PIK3CA: variants seen among roughly 807,000 people sequenced by gnomAD.
The protein encoded by PIK3CA is phosphatidylinositol-4,5-bisphosphate 3-kinase catalytic subunit alpha.
A neutral mutation model predicts 138.2 loss-of-function variants in PIK3CA; 27 were observed. That is an observed-to-expected ratio of 0.20 (90% confidence interval 0.14 to 0.27). The LOEUF is 0.27. PIK3CA is among the 10% of genes least tolerant of loss of function. PIK3CA has a pLI of 1.00. For missense variants in PIK3CA, 544 were observed against 1,277.4 expected (o/e 0.43, Z 8.75); for synonymous variants, 358 against 413.2 (o/e 0.87, Z 1.62).
At position 179,238,575 on chromosome 3, in the gene PIK3CA, T is replaced by C; in HGVS notation, c.*4211T>C. On this transcript the variant is annotated 3_prime_UTR_variant, in exon 21 of 21. Transcript: ENST00000263967. ...ATCACTGAATTTTAGATTTATAAAG[T>C]CAGAGTTGGCATGCCTTGTTTTTAA... is the stretch of plus-strand genomic sequence containing the variant. 4.5e-6 allele frequency: 1 copy of C among 219,890 alleles called. No homozygotes were observed. Among genetic ancestry groups the C allele is most frequent in the Non-Finnish European group, 9.1e-6 (1 of 109,506 alleles). The allele number at this position is 219,890 out of a possible 1,614,324, so 13.6% of individuals were successfully genotyped here.
At chr3:179,167,043 C>T (rs1723438287) in intron 1 of PIK3CA, among the ~76,000 whole-genome samples, 1 of 152,050 alleles carries the variant, frequency 6.6e-6, no homozygotes, top group South Asian at 2.1e-4. Flanking sequence ...ATTAGGGCAC[C>T]ACACTTTGAA....
Position 179,226,051 on chromosome 3 carries a change from A to G in PIK3CA, c.2495+11A>G, listed in dbSNP as rs771575136. 6.8e-7 allele frequency: 1 copy of G among 1,464,768 alleles called. No individual in the cohort carries two copies. Among genetic ancestry groups the G allele is most frequent in the Admixed American group, 1.7e-5 (1 of 59,560 alleles). The allele number at this position is 1,464,768 out of a possible 1,614,324, so 90.7% of individuals were successfully genotyped here. A position where few individuals can be genotyped will look rare whatever the true frequency, so the allele number is the denominator to read the frequency against. ...AGGTCTTGATCTTCGGTAGGTAACC[A>G]GTAAGGCAACCTGTATGTTGAAAGT... On this transcript the variant is annotated intron_variant, in intron 17 of 20. Transcript: ENST00000263967.
intron 10 of PIK3CA, 105 bp downstream of exon 10, chr3:179,218,439 TA>T: frequency 1.2e-6 from 1 of 808,672 alleles, no homozygotes; most frequent in South Asian, 2.7e-5. Context: ...TTGGAATAAA[TA>T]AAGCAGAATT....
At chr3:179,160,891 G>T (rs1576913853) in intron 1 of PIK3CA, among the ~76,000 whole-genome samples, 2 of 152,080 alleles carry the variant, frequency 1.3e-5, no homozygotes, top group East Asian at 4.0e-4. Context: ...ACCTCTTTCA[G>T]TTACTAGCTA....
chr3:179,221,267 AT>A, intron 14 of PIK3CA, 110 bp downstream of exon 14: 1 of 700,320 alleles, frequency 1.4e-6, no homozygotes, highest in Non-Finnish European at 2.4e-6. Flanking sequence ...GCAGATTAGG[AT>A]TTGGAACCAA....
At chr3:179,216,056 G>A (rs1003023313) in intron 9 of PIK3CA, among the ~76,000 whole-genome samples, 8 of 152,128 alleles carry the variant, frequency 5.3e-5, no homozygotes, top group African/African-American at 1.9e-4. Flanking sequence ...GTTCCTGGGT[G>A]GTCAAGGGGA....
In PIK3CA at chr3:179,199,014, A is replaced by C. The variant is rs772678298; in HGVS notation, c.189A>C (p.Gln63His). ...ARKYPLHQLL[Q>H]DESSYIFVSV... ...AATACCCCCTCCATCAACTTCTTCA[A>C]GATGAATCTTCTTACATTTTCGTAA... Residue 63 changes from glutamine to histidine, a missense_variant, in exon 2 of 21, where the codon CAA (glutamine) becomes CAC (histidine). Transcript: ENST00000263967. The C allele has an allele frequency of 1.2e-6, 2 of 1,613,572 alleles. No individual in the cohort carries two copies. Among genetic ancestry groups the C allele is most frequent in the Non-Finnish European group, 1.7e-6 (2 of 1,179,826 alleles).
intron 18 of PIK3CA, 110 bp downstream of exon 18, chr3:179,229,552 T>C: frequency 1.4e-6 from 1 of 690,688 alleles, no homozygotes; most frequent in Non-Finnish European, 2.2e-6. Context: ...TTGTACTTTC[T>C]ATGGAAAAAA....
chr3:179,210,706 T>C (rs1315961178), intron 9 of PIK3CA, 141 bp downstream of exon 9: 1 of 762,550 alleles, frequency 1.3e-6, no homozygotes, highest in African/African-American at 1.8e-5. Flanking sequence ...TAGAATTAAG[T>C]TCTCTATATG....
chr3:179,205,216 TA>T (rs1413135251), intron 6 of PIK3CA, among the ~76,000 whole-genome samples: 2 of 151,734 alleles, frequency 1.3e-5, no homozygotes, highest in Non-Finnish European at 2.9e-5. Context: ...AAAATATATA[TA>T]TATTTTACAT....
chr3:179,174,399 G>T (rs111843162), intron 1 of PIK3CA, among the ~76,000 whole-genome samples: 6,511 of 152,256 alleles, frequency 0.043, 514 homozygotes, highest in African/African-American at 0.15. Context: ...GAACCTGGGA[G>T]GCGGAGGTTG....
In PIK3CA at chr3:179,168,591, A is replaced by G. The variant is rs140920710; in HGVS notation, c.-77+19988A>G. On this transcript the variant is annotated intron_variant, in intron 1 of 20. Coordinates refer to ENST00000263967, the MANE Select transcript of PIK3CA (RefSeq NM_006218.4). ...TTTCTCTTACCTCAGAACTTGTGCA[A>G]TAAGGAAGTATTCAGTTGTTGAACC... 6.7e-3 allele frequency among the ~76,000 whole-genome samples: 1,027 copies of G among 152,258 alleles called. 63 individuals carry two copies. In the South Asian group the frequency reaches 0.14, roughly 20 times the overall value.
At chr3:179,196,643 C>A (rs1174532402) in intron 1 of PIK3CA, among the ~76,000 whole-genome samples, 1 of 152,196 alleles carries the variant, frequency 6.6e-6, no homozygotes, top group Non-Finnish European at 1.5e-5. Flanking sequence ...ATAATTTCTG[C>A]TATTCCTACT....
chr3:179,203,002 A>G (rs9865448), intron 4 of PIK3CA, among the ~76,000 whole-genome samples: 36,894 of 141,900 alleles, frequency 0.26, 5,520 homozygotes, highest in African/African-American at 0.43. Context: ...GTGCAGTGGC[A>G]GGATCTCGGC....
intron 20 of PIK3CA, among the ~76,000 whole-genome samples, chr3:179,231,844 T>G (rs928391044): frequency 6.6e-6 from 1 of 151,948 alleles, no homozygotes; most frequent in Admixed American, 6.6e-5. Flanking sequence ...GGTTTCACCA[T>G]GTTGGTCAGG....
intron 1 of PIK3CA, among the ~76,000 whole-genome samples, chr3:179,162,666 C>T (rs1044614607): frequency 1.3e-5 from 2 of 151,356 alleles, no homozygotes; most frequent in South Asian, 2.1e-4. Flanking sequence ...GTTTAGAAAA[C>T]GGGAAAAAAA....
Position 179,203,625 on chromosome 3 carries a change from A to G in PIK3CA, c.895A>G (p.Met299Val), listed in dbSNP as rs779900475. 4.2e-5 allele frequency: 67 copies of G among 1,613,904 alleles called. No individual in the cohort carries two copies. The South Asian group carries it at 5.5e-4, about 13-fold the overall frequency. ...AGAAAGCCTTTATTCTCAACTGCCAATGGACTGTTTTACAATGCCATCTTA... is the reference window on the plus strand; with the variant it reads ...AGAAAGCCTTTATTCTCAACTGCCAGTGGACTGTTTTACAATGCCATCTTA... ...AKESLYSQLP[M>V]DCFTMPSYSR... Residue 299 changes from methionine (M) to valine (V), a missense_variant, in exon 5 of 21, where the codon ATG (methionine) becomes GTG (valine). Met to Val is a conservative substitution (Grantham distance 21). Coordinates refer to ENST00000263967, the MANE Select transcript of PIK3CA (RefSeq NM_006218.4).
intron 16 of PIK3CA, among the ~76,000 whole-genome samples, chr3:179,225,602 CT>C (rs1725065328): frequency 6.6e-6 from 1 of 152,114 alleles, no homozygotes. Flanking sequence ...TATGCAAAGA[CT>C]TTAAAAGTGG....
At chr3:179,194,319 G>A (rs1236110475) in intron 1 of PIK3CA, among the ~76,000 whole-genome samples, 1 of 152,090 alleles carries the variant, frequency 6.6e-6, no homozygotes, top group Non-Finnish European at 1.5e-5. Flanking sequence ...GACCTCCCAG[G>A]CTAAAATGAT....
Sources: gnomAD v4.1 joint callset for allele counts (sites outside exome capture counted in the v4.1 genomes callset) on GRCh38, gnomAD v4.1.1 for gene constraint, MANE v1.5 for transcripts, NCBI Gene and HGNC (gene_info 2026-07-23, HGNC 2026-07-21) for gene names.